The following CAB39L variants were observed in gnomAD, a reference collection of about 807,000 sequenced individuals.
CAB39L encodes the protein calcium-binding protein 39-like.
CAB39L carries 23 observed loss-of-function variants against 39.1 expected under a neutral mutation model. The observed-to-expected ratio is 0.59, with a 90% CI of 0.42 to 0.83. CAB39L has a LOEUF of 0.83. Among genes scored for constraint, CAB39L ranks in the 40% least tolerant of loss-of-function variants. The probability of loss-of-function intolerance (pLI) is 0.00; values close to 1 mark genes in which losing one functional copy is unlikely to be tolerated. For missense variants in CAB39L, 366 were observed against 391.9 expected (o/e 0.93, Z 0.56); for synonymous variants, 126 against 137.2 (o/e 0.92, Z 0.57).
At chr13:49,311,429 G>A (rs1953985538) in intron 10 of CAB39L, among the ~76,000 whole-genome samples, 1 of 152,162 alleles carries the variant, frequency 6.6e-6, no homozygotes, top group African/African-American at 2.4e-5. Context: ...TATACTATAC[G>A]TCTAATCATT....
At chr13:49,327,162 AT>A (rs5803457) in intron 10 of CAB39L, among the ~76,000 whole-genome samples, 12,864 of 150,768 alleles carry the variant, frequency 0.085, 1,031 homozygotes, top group East Asian at 0.46. Context: ...TTGCCTTCAG[AT>A]TTTTTTTTTA....
At chr13:49,329,600 G>T (rs1227042770) in intron 10 of CAB39L, among the ~76,000 whole-genome samples, 23 of 114,236 alleles carry the variant, frequency 2.0e-4, no homozygotes, top group South Asian at 5.9e-4. Context: ...TATATATAAT[G>T]ATGTAATAAA....
chr13:49,317,355 C>T (rs1048515993), intron 10 of CAB39L, among the ~76,000 whole-genome samples: 1 of 146,476 alleles, frequency 6.8e-6, no homozygotes, highest in African/African-American at 2.5e-5. Context: ...CATGGCGAAA[C>T]CCCCTCTCTA....
intron 7 of CAB39L, 56 bp downstream of exon 7, chr13:49,350,688 C>A (rs1955318988): frequency 7.5e-7 from 1 of 1,333,062 alleles, no homozygotes; most frequent in Non-Finnish European, 1.0e-6. Context: ...TAAATTGCCT[C>A]TTCAGGGGCC....
intron 3 of CAB39L, chr13:49,414,221 G>A (rs2138693932): frequency 6.6e-6 from 1 of 152,314 alleles, no homozygotes; most frequent in Middle Eastern, 3.4e-3. Flanking sequence ...GAAGCATAAT[G>A]TTATAAAAAA....
chr13:49,404,156 C>A (rs901342131), intron 3 of CAB39L, among the ~76,000 whole-genome samples: 1 of 152,118 alleles, frequency 6.6e-6, no homozygotes, highest in Non-Finnish European at 1.5e-5. Flanking sequence ...CTTGCACCAT[C>A]CCTCCCCGAA....
intron 3 of CAB39L, among the ~76,000 whole-genome samples, chr13:49,400,695 T>C (rs1243635215): frequency 6.6e-6 from 1 of 152,192 alleles, no homozygotes; most frequent in African/African-American, 2.4e-5. Context: ...TCAACATTTT[T>C]ATTTAAATTA....
At chr13:49,433,703 A>G (rs1345296926) in intron 2 of CAB39L, among the ~76,000 whole-genome samples, 1 of 152,226 alleles carries the variant, frequency 6.6e-6, no homozygotes, top group East Asian at 1.9e-4. Flanking sequence ...CATCTTCAAA[A>G]GGAAGAAACA....
At position 49,362,040 on chromosome 13, in the gene CAB39L, TTATAA is replaced by T. The variant is rs149061425; in HGVS notation, c.277-2213_277-2209del. Among the ~76,000 whole-genome samples, 1,133 of 152,100 alleles carry T rather than the reference TTATAA, an allele frequency of 7.4e-3. 12 individuals carry two copies. The highest frequency in any genetic ancestry group is 0.025 in the African/African-American group (1,037 of 41,512). ...TTTTTCTGGCATGCATACAACCACC[TTATAA>T]TATACATATTATAAAAAAGAAATTA... On this transcript the variant is annotated intron_variant, in intron 5 of 10. Transcript: ENST00000409308.
chr13:49,359,364 G>C (rs1331169522), intron 6 of CAB39L, among the ~76,000 whole-genome samples: 1 of 152,076 alleles, frequency 6.6e-6, no homozygotes, highest in African/African-American at 2.4e-5. Context: ...TATGTGCGTG[G>C]TGAGGGCATT....
intron 7 of CAB39L, among the ~76,000 whole-genome samples, chr13:49,345,905 T>G (rs1015107548): frequency 3.3e-5 from 5 of 151,752 alleles, no homozygotes; most frequent in African/African-American, 1.2e-4. Context: ...CTTGAAAGGT[T>G]GTGTCATACA....
At chr13:49,414,934 C>T (rs1957054501) in intron 3 of CAB39L, among the ~76,000 whole-genome samples, 1 of 152,090 alleles carries the variant, frequency 6.6e-6, no homozygotes, top group African/African-American at 2.4e-5. Flanking sequence ...TGGCTCATGC[C>T]TTTAATCCCA....
At chr13:49,312,324 A>G (rs1954019730) in intron 10 of CAB39L, among the ~76,000 whole-genome samples, 1 of 152,174 alleles carries the variant, frequency 6.6e-6, no homozygotes, top group Non-Finnish European at 1.5e-5. Context: ...CTCACCATTC[A>G]ATCCCTGACT....
chr13:49,356,823 G>T (rs951965249), intron 6 of CAB39L, among the ~76,000 whole-genome samples: 1 of 152,108 alleles, frequency 6.6e-6, no homozygotes, highest in Non-Finnish European at 1.5e-5. Flanking sequence ...CCAGCATTTT[G>T]GGAGGCCGAG....
intron 3 of CAB39L, among the ~76,000 whole-genome samples, chr13:49,386,836 C>A (rs189018300): frequency 6.6e-6 from 1 of 151,972 alleles, no homozygotes; most frequent in East Asian, 1.9e-4. Flanking sequence ...ACACCTCCCC[C>A]ACTCCCAGAC....
intron 3 of CAB39L, among the ~76,000 whole-genome samples, chr13:49,389,320 G>A (rs931108799): frequency 3.9e-5 from 6 of 152,102 alleles, no homozygotes; most frequent in African/African-American, 1.4e-4. Context: ...ACCAACCTAA[G>A]TGTCCATCAA....
intron 7 of CAB39L, among the ~76,000 whole-genome samples, chr13:49,346,106 T>G (rs1278149377): frequency 2.2e-5 from 1 of 46,324 alleles, no homozygotes; most frequent in South Asian, 7.2e-4. Flanking sequence ...GCTAGATATA[T>G]ATATATATAT....
rs182094550 is a variant in CAB39L, at chr13:49,332,628, A to G, written c.691-538T>C. Among the ~76,000 whole-genome samples, 546 of 152,304 alleles carry G rather than the reference A, an allele frequency of 3.6e-3. 16 individuals carry two copies. Among genetic ancestry groups the G allele is most frequent in the Admixed American group, 0.033 (499 of 15,298 alleles). On this transcript the variant is annotated intron_variant, in intron 9 of 10. Transcript: ENST00000409308. ...TAGTAAGTGCAGCAAGTTTTTATTA[A>G]AAAGCAAAGCAAAACATTTTTTGGT...
intron 3 of CAB39L, among the ~76,000 whole-genome samples, chr13:49,406,656 C>T (rs551154283): frequency 9.9e-5 from 15 of 151,870 alleles, no homozygotes; most frequent in African/African-American, 3.6e-4. Flanking sequence ...AAAGACAACA[C>T]CTTAATTGAA....
Sources: allele counts gnomAD v4.1 joint callset (sites outside exome capture counted in the v4.1 genomes callset), GRCh38; gene constraint gnomAD v4.1.1; transcripts MANE v1.5; gene names NCBI Gene and HGNC (gene_info 2026-07-23, HGNC 2026-07-21).